Variants in XPR1 observed in about 807,000 individuals in gnomAD.
The protein encoded by XPR1 is solute carrier family 53 member 1.
A neutral mutation model predicts 87.5 loss-of-function variants in XPR1; 28 were observed. That is an observed-to-expected ratio of 0.32 (90% CI 0.24 to 0.44). The LOEUF (loss-of-function observed/expected upper bound fraction) is 0.44. Ranked by LOEUF, XPR1 falls within the 20% of genes least tolerant of loss-of-function variation. XPR1 has a pLI of 1.00. For synonymous variants in XPR1, 300 were observed against 306.1 expected (o/e 0.98, Z 0.21); for missense variants, 559 against 862.3 (o/e 0.65, Z 4.41).
chr1:180,862,852 C>A (rs7545150), intron 11 of XPR1, among the ~76,000 whole-genome samples: 6,546 of 152,056 alleles, frequency 0.043, 505 homozygotes, highest in African/African-American at 0.15. Context: ...CCTGGTGATG[C>A]AGAACCATAT....
At chr1:180,748,139 A>G (rs1381279457) in intron 2 of XPR1, among the ~76,000 whole-genome samples, 1 of 152,162 alleles carries the variant, frequency 6.6e-6, no homozygotes, top group Non-Finnish European at 1.5e-5. Context: ...TGATTTTTGG[A>G]CAAATCATTG....
chr1:180,849,053 A>G (rs1651782038), intron 11 of XPR1, among the ~76,000 whole-genome samples: 1 of 152,200 alleles, frequency 6.6e-6, no homozygotes, highest in African/African-American at 2.4e-5. Flanking sequence ...ACATGTGCGT[A>G]TAATATGTCA....
rs118009518 is a variant in XPR1 at position 180,727,244 on chromosome 1, T to C, written c.121+44833T>C. On this transcript the variant is annotated intron_variant, in intron 2 of 14. Transcript: ENST00000367590. The stretch of plus-strand genomic sequence containing the variant: ...TGGGATATAGGATGCCTGAAGCGGT[T>C]ATATTGTAACTGTTACCAGAAAGGG... Among the ~76,000 whole-genome samples the C allele has an allele frequency of 3.7e-4, 56 of 152,262 alleles. 3 individuals are homozygous for C. In the East Asian group the frequency reaches 0.011, roughly 29 times the overall value.
At position 180,814,852 on chromosome 1, in the gene XPR1, C is replaced by T. The variant is rs115948224; in HGVS notation, c.763+3364C>T. ...GACATTGGTGGAATCAAAGCCATTT[C>T]GAGAGAAGGAGACAGTTGAGCAAAG... On this transcript the variant is annotated intron_variant, in intron 7 of 14. Coordinates refer to ENST00000367590, the MANE Select transcript of XPR1 (RefSeq NM_004736.4). Among the ~76,000 whole-genome samples, 184 of 151,968 alleles carry T rather than the reference C, an allele frequency of 1.2e-3. 1 individual carries two copies. Among genetic ancestry groups the T allele is most frequent in the Middle Eastern group, 6.8e-3 (2 of 294 alleles).
intron 1 of XPR1, among the ~76,000 whole-genome samples, chr1:180,633,831 G>T (rs1236131353): frequency 6.6e-6 from 1 of 152,188 alleles, no homozygotes; most frequent in African/African-American, 2.4e-5. Flanking sequence ...CTTTCTAGTA[G>T]TAATTTTCAG....
At chr1:180,806,709 A>G (rs890070290) in intron 6 of XPR1, 152 bp downstream of exon 6, 1 of 555,202 alleles carries the variant, frequency 1.8e-6, no homozygotes. Flanking sequence ...ATTATATGCT[A>G]TATTTTACTT....
chr1:180,713,780 G>A (rs1463195284), intron 2 of XPR1, among the ~76,000 whole-genome samples: 1 of 152,082 alleles, frequency 6.6e-6, no homozygotes, highest in Non-Finnish European at 1.5e-5. Flanking sequence ...TGCTAAAATT[G>A]TATTAGAATT....
chr1:180,793,476 T>C (rs369780717), intron 3 of XPR1, among the ~76,000 whole-genome samples: 1 of 147,520 alleles, frequency 6.8e-6, no homozygotes, highest in Non-Finnish European at 1.5e-5. Context: ...TAATGGCTGG[T>C]TTTGTTCTTT....
intron 1 of XPR1, among the ~76,000 whole-genome samples, chr1:180,640,348 T>C (rs1275537612): frequency 6.6e-6 from 1 of 152,182 alleles, no homozygotes; most frequent in Non-Finnish European, 1.5e-5. Flanking sequence ...AAACACCTCT[T>C]ATAGCGTAGG....
At position 180,632,097 on chromosome 1, in the gene XPR1, A is replaced by T. The variant is rs1000178099; in HGVS notation, c.-105A>T. 1.4e-6 allele frequency: 2 copies of T among 1,380,926 alleles called. No individual in the cohort carries two copies. The highest frequency in any genetic ancestry group is 2.0e-6 in the Non-Finnish European group (2 of 993,430). 85.5% of individuals were successfully genotyped at this position (1,380,926 alleles called of 1,614,324 possible). On this transcript the variant is annotated 5_prime_UTR_variant, in exon 1 of 15. Transcript: ENST00000367590. ...CGGCGGCGGAGGAGGAGAGAAGCGCAGCGCCGCGCCGCGCCGGGGCCCATG... is the reference window on the plus strand; with the variant it reads ...CGGCGGCGGAGGAGGAGAGAAGCGCTGCGCCGCGCCGCGCCGGGGCCCATG...
chr1:180,851,983 A>G (rs2102190874), intron 11 of XPR1, among the ~76,000 whole-genome samples: 1 of 151,752 alleles, frequency 6.6e-6, no homozygotes, highest in Non-Finnish European at 1.5e-5. Context: ...TCTTCAATGT[A>G]TCAGGCACTA....
At chr1:180,759,306 C>T (rs113303084) in intron 2 of XPR1, among the ~76,000 whole-genome samples, 1 of 151,936 alleles carries the variant, frequency 6.6e-6, no homozygotes, top group African/African-American at 2.4e-5. Flanking sequence ...AAAAACCCTT[C>T]AAAAATTAAT....
chr1:180,873,565 T>G (rs1005640075), intron 12 of XPR1, among the ~76,000 whole-genome samples: 1 of 152,228 alleles, frequency 6.6e-6, no homozygotes, highest in Non-Finnish European at 1.5e-5. Context: ...TAATGATTAC[T>G]CAAATTCAGT....
chr1:180,802,683 T>G (rs745991338), intron 3 of XPR1, among the ~76,000 whole-genome samples: 8 of 152,190 alleles, frequency 5.3e-5, no homozygotes, highest in Non-Finnish European at 1.2e-4. Flanking sequence ...TCACTCCCCA[T>G]TCACCTTCCA....
intron 2 of XPR1, among the ~76,000 whole-genome samples, chr1:180,689,371 A>G (rs1417877690): frequency 6.6e-6 from 1 of 152,176 alleles, no homozygotes; most frequent in Non-Finnish European, 1.5e-5. Context: ...CTCTATTTTT[A>G]AAAGATTTAA....
chr1:180,687,341 T>C (rs771062096), intron 2 of XPR1, among the ~76,000 whole-genome samples: 9 of 152,158 alleles, frequency 5.9e-5, no homozygotes, highest in Non-Finnish European at 1.0e-4. Context: ...ATGACAAATA[T>C]TTATAGTTAA....
intron 2 of XPR1, among the ~76,000 whole-genome samples, chr1:180,696,500 CTATGTT>C (rs1657180317): frequency 6.6e-6 from 1 of 150,978 alleles, no homozygotes; most frequent in African/African-American, 2.5e-5. Flanking sequence ...AATTTCAGTA[CTATGTT>C]GAATAAGAAT....
intron 10 of XPR1, 122 bp from the exon 11 acceptor site, chr1:180,836,400 A>C (rs1177781738): frequency 2.0e-6 from 2 of 997,782 alleles, no homozygotes; most frequent in Non-Finnish European, 2.9e-6. Context: ...GTTGCAAAGA[A>C]GAAAGTGATT....
chr1:180,674,198 G>A (rs1455612179), intron 1 of XPR1, among the ~76,000 whole-genome samples: 1 of 152,196 alleles, frequency 6.6e-6, no homozygotes, highest in Admixed American at 6.5e-5. Context: ...AGATGAGGGT[G>A]CTAAAGTACA....
Sources: gnomAD v4.1 joint callset for allele counts (sites outside exome capture counted in the v4.1 genomes callset) on GRCh38, gnomAD v4.1.1 for gene constraint, MANE v1.5 for transcripts, NCBI Gene and HGNC (gene_info 2026-07-23, HGNC 2026-07-21) for gene names.